Variants in EHBP1 observed in about 807,000 individuals in gnomAD.
EHBP1 encodes EH domain binding protein 1.
Under a neutral mutation model 144.0 loss-of-function variants are expected in EHBP1, and 55 were observed. That is an observed-to-expected ratio of 0.38 (90% CI 0.31 to 0.48). EHBP1 has a LOEUF of 0.48. Ranked by LOEUF, EHBP1 falls within the 20% of genes least tolerant of loss-of-function variation. EHBP1 has a pLI of 0.98. For synonymous variants in EHBP1, 469 were observed against 472.7 expected (o/e 0.99, Z 0.10); for missense variants, 1,200 against 1,364.2 (o/e 0.88, Z 1.90).
chr2:63,030,563 C>CTGGAG (rs2061197427), intron 19 of EHBP1, among the ~76,000 whole-genome samples: 6 of 152,116 alleles, frequency 3.9e-5, no homozygotes, highest in African/African-American at 1.4e-4. Context: ...TCTCGGCCCA[C>CTGGAG]TGCAAGCTCC....
chr2:63,017,091 T>C (rs919465791), intron 19 of EHBP1, among the ~76,000 whole-genome samples: 1 of 152,250 alleles, frequency 6.6e-6, no homozygotes, highest in Non-Finnish European at 1.5e-5. Flanking sequence ...GACCCTCAGT[T>C]TGTACACTAA....
intron 7 of EHBP1, among the ~76,000 whole-genome samples, chr2:62,850,152 G>C (rs1036640404): frequency 3.3e-5 from 5 of 152,138 alleles, no homozygotes; most frequent in African/African-American, 1.2e-4. Context: ...TGTGGAGAAA[G>C]TGACATCTTT....
At chr2:63,009,316 A>G (rs2060177991) in intron 19 of EHBP1, among the ~76,000 whole-genome samples, 1 of 151,616 alleles carries the variant, frequency 6.6e-6, no homozygotes, top group Non-Finnish European at 1.5e-5. Flanking sequence ...CTTTTGATAA[A>G]GTTCAGATGT....
intron 5 of EHBP1, among the ~76,000 whole-genome samples, chr2:62,796,922 A>AAC (rs1662679897): frequency 2.0e-5 from 3 of 152,102 alleles, no homozygotes; most frequent in African/African-American, 7.2e-5. Context: ...CCTCTCTGGA[A>AAC]ACACACACAC....
chr2:62,816,868 G>A (rs1040078960), intron 5 of EHBP1, among the ~76,000 whole-genome samples: 3 of 151,974 alleles, frequency 2.0e-5, no homozygotes, highest in African/African-American at 4.8e-5. Context: ...TACCTATTTT[G>A]CTCCATTTCT....
At chr2:62,964,496 C>G (rs971474368) in intron 14 of EHBP1, among the ~76,000 whole-genome samples, 2 of 152,038 alleles carry the variant, frequency 1.3e-5, no homozygotes, top group African/African-American at 4.8e-5. Context: ...TTCTTTTGTT[C>G]TTCTTATCAT....
At chr2:62,945,031 C>T (rs1281021918) in intron 12 of EHBP1, among the ~76,000 whole-genome samples, 1 of 152,200 alleles carries the variant, frequency 6.6e-6, no homozygotes, top group Non-Finnish European at 1.5e-5. Flanking sequence ...GCATTTCCTT[C>T]AATTATGAAT....
chr2:62,693,620 G>A (rs1004130099), intron 1 of EHBP1, among the ~76,000 whole-genome samples: 1 of 152,136 alleles, frequency 6.6e-6, no homozygotes, highest in Non-Finnish European at 1.5e-5. Context: ...ATTTCTTTGT[G>A]TTGGCAACAT....
intron 3 of EHBP1, among the ~76,000 whole-genome samples, chr2:62,753,068 C>T (rs1332543691): frequency 2.0e-5 from 3 of 152,072 alleles, no homozygotes; most frequent in East Asian, 3.9e-4. Context: ...TTATTTTGCT[C>T]GTTAGTTGAT....
At chr2:62,823,993 AT>A (rs1417416226) in intron 5 of EHBP1, among the ~76,000 whole-genome samples, 1 of 152,004 alleles carries the variant, frequency 6.6e-6, no homozygotes, top group Non-Finnish European at 1.5e-5. Context: ...TGTATTTAGA[AT>A]TTGGTAGCTT....
chr2:62,714,108 T>C (rs1219290564), intron 2 of EHBP1, among the ~76,000 whole-genome samples: 2 of 152,074 alleles, frequency 1.3e-5, no homozygotes, highest in African/African-American at 2.4e-5. Flanking sequence ...AGAGAACAAA[T>C]TTTTTTCTGT....
chr2:62,707,011 A>G lies in EHBP1; in HGVS notation c.-181A>G. On this transcript the variant is annotated 5_prime_UTR_variant, in exon 2 of 23. Transcript: ENST00000431489. ...CATAGTGTTCTTGACTGGGCCATTCATCTAAGATGGGATTTACCCTGTGAA... is the reference window on the plus strand; with the variant it reads ...CATAGTGTTCTTGACTGGGCCATTCGTCTAAGATGGGATTTACCCTGTGAA... 1.8e-6 allele frequency: 1 copy of G among 569,662 alleles called. No homozygotes were observed. The highest frequency in any genetic ancestry group is 3.2e-6 in the Non-Finnish European group (1 of 315,624). The allele number at this position is 569,662 out of a possible 1,614,324, so 35.3% of individuals were successfully genotyped here. A position where few individuals can be genotyped will look rare whatever the true frequency, so the allele number is the denominator to read the frequency against.
At chr2:63,027,875 G>A (rs1178785419) in intron 19 of EHBP1, among the ~76,000 whole-genome samples, 2 of 152,160 alleles carry the variant, frequency 1.3e-5, no homozygotes, top group South Asian at 2.1e-4. Context: ...TCGATAGGAG[G>A]AATACGTTCA....
At chr2:62,913,601 G>C (rs1006886713) in intron 10 of EHBP1, among the ~76,000 whole-genome samples, 3 of 152,104 alleles carry the variant, frequency 2.0e-5, no homozygotes, top group Admixed American at 6.6e-5. Flanking sequence ...AATTTGGTGA[G>C]GTTTTTTTGG....
chr2:63,039,770 T>C (rs1466280844), intron 21 of EHBP1, among the ~76,000 whole-genome samples: 1 of 152,190 alleles, frequency 6.6e-6, no homozygotes, highest in Non-Finnish European at 1.5e-5. Context: ...ATGCTATTTG[T>C]CTGAATACTA....
chr2:62,916,168 C>T (rs1234458336), intron 10 of EHBP1, among the ~76,000 whole-genome samples: 2 of 151,778 alleles, frequency 1.3e-5, no homozygotes, highest in South Asian at 4.1e-4. Flanking sequence ...AATAATAGAA[C>T]TTTTAATTAA....
At chr2:62,765,882 T>C (rs548023001) in intron 4 of EHBP1, among the ~76,000 whole-genome samples, 2 of 152,274 alleles carry the variant, frequency 1.3e-5, no homozygotes, top group South Asian at 2.1e-4. Context: ...GTGTCCTAAG[T>C]GCATCATGGA....
intron 10 of EHBP1, among the ~76,000 whole-genome samples, chr2:62,884,374 C>G (rs900445425): frequency 6.6e-6 from 1 of 152,086 alleles, no homozygotes; most frequent in African/African-American, 2.4e-5. Context: ...ATAACATTTT[C>G]TTAAAATTTA....
intron 1 of EHBP1, among the ~76,000 whole-genome samples, chr2:62,695,308 C>T (rs2034047219): frequency 6.6e-6 from 1 of 152,076 alleles, no homozygotes; most frequent in Non-Finnish European, 1.5e-5. Context: ...CTGCAGTGAG[C>T]CGTGATCACA....
Sources: gnomAD v4.1 joint callset for allele counts (sites outside exome capture counted in the v4.1 genomes callset) on GRCh38, gnomAD v4.1.1 for gene constraint, MANE v1.5 for transcripts, NCBI Gene and HGNC (gene_info 2026-07-23, HGNC 2026-07-21) for gene names.